The following BCAT1 variants were observed in gnomAD, a reference collection of about 807,000 sequenced individuals.
The protein encoded by BCAT1 is branched-chain-amino-acid aminotransferase, cytosolic.
A neutral mutation model predicts 52.4 loss-of-function variants in BCAT1; 48 were observed. The ratio of observed to expected loss-of-function variants is 0.92; its 90% CI spans 0.73 to 1.16. The LOEUF is 1.16. Ranked by LOEUF, BCAT1 falls within the 50% of genes most tolerant of loss-of-function variation. The probability of loss-of-function intolerance (pLI) is 0.00; values close to 1 mark genes in which losing one functional copy is unlikely to be tolerated. For missense variants in BCAT1, 451 were observed against 457.1 expected (o/e 0.99, Z 0.12); for synonymous variants, 167 against 161.3 (o/e 1.04, Z -0.27).
Position 24,850,002 on chromosome 12 carries a change from CT to C in BCAT1, c.511-54del, listed in dbSNP as rs562252358. On this transcript the variant is annotated intron_variant, in intron 5 of 10. Transcript: ENST00000261192. ...TGTAACTTAAAATGTGGACACCAGT[CT>C]TAAAGTCTAGAATAGATTTATATCT... The C allele has an allele frequency of 6.3e-5, 92 of 1,470,534 alleles. 1 individual carries two copies. The South Asian group carries it at 1.2e-3, about 20-fold the overall frequency. 91.1% of individuals were successfully genotyped at this position (1,470,534 alleles called of 1,614,324 possible). A position where few individuals can be genotyped will look rare whatever the true frequency, so the allele number is the denominator to read the frequency against.
chr12:24,925,761 C>T (rs1477180924), intron 1 of BCAT1, among the ~76,000 whole-genome samples: 1 of 151,896 alleles, frequency 6.6e-6, no homozygotes, highest in Non-Finnish European at 1.5e-5. Flanking sequence ...GACTGGTTTT[C>T]GTATTTTTTT....
chr12:24,836,824 AGGAAGGAAGGAAGGAGAGAG>A, intron 7 of BCAT1, among the ~76,000 whole-genome samples: 1 of 52,590 alleles, frequency 1.9e-5, no homozygotes, highest in Non-Finnish European at 5.5e-5. Flanking sequence ...GAAGGAAAGA[AGGAAGGAAGGAAGGAGAGAG>A]AGAGAAAGAA....
At chr12:24,908,748 AT>A (rs1943266420) in intron 1 of BCAT1, among the ~76,000 whole-genome samples, 1 of 152,342 alleles carries the variant, frequency 6.6e-6, no homozygotes. Flanking sequence ...CTTAAAAAAA[AT>A]AATAAACATT....
chr12:24,832,947 A>AT (rs1940749086), intron 8 of BCAT1, 84 bp from the exon 9 acceptor site: 1 of 1,348,544 alleles, frequency 7.4e-7, no homozygotes, highest in African/African-American at 1.5e-5. Context: ...TCTGCTTAAC[A>AT]TTCTGATTGC....
intron 1 of BCAT1, among the ~76,000 whole-genome samples, chr12:24,909,936 G>A (rs1943289434): frequency 6.6e-6 from 1 of 152,124 alleles, no homozygotes. Flanking sequence ...AGCCCTGTGA[G>A]TGGCTGTCTT....
At chr12:24,925,826 G>A (rs1591880949) in intron 1 of BCAT1, among the ~76,000 whole-genome samples, 1 of 152,232 alleles carries the variant, frequency 6.6e-6, no homozygotes, top group East Asian at 1.9e-4. Context: ...TCCTAACCGG[G>A]AGTGATCTGC....
intron 1 of BCAT1, chr12:24,902,197 A>G: frequency 4.9e-6 from 7 of 1,432,996 alleles, no homozygotes; most frequent in Non-Finnish European, 5.5e-6. Context: ...CAAAAAAACA[A>G]TTGTCTCCCT....
At chr12:24,885,025 G>T (rs890823359) in intron 3 of BCAT1, among the ~76,000 whole-genome samples, 1 of 152,100 alleles carries the variant, frequency 6.6e-6, no homozygotes, top group Non-Finnish European at 1.5e-5. Flanking sequence ...TATCAAATTG[G>T]GAACATCGCA....
At chr12:24,861,727 G>A (rs1401123652) in intron 5 of BCAT1, among the ~76,000 whole-genome samples, 1 of 152,208 alleles carries the variant, frequency 6.6e-6, no homozygotes, top group African/African-American at 2.4e-5. Flanking sequence ...ATAGGGGATA[G>A]ATAAAATGAG....
At chr12:24,910,267 T>TGCGG (rs1413731208) in intron 1 of BCAT1, among the ~76,000 whole-genome samples, 1 of 151,854 alleles carries the variant, frequency 6.6e-6, no homozygotes, top group Non-Finnish European at 1.5e-5. Flanking sequence ...ATCCCAGCTC[T>TGCGG]ACGGGAGGCT....
intron 1 of BCAT1, chr12:24,904,175 G>C (rs1338715267): frequency 6.6e-6 from 1 of 152,286 alleles, no homozygotes; most frequent in African/African-American, 2.4e-5. Flanking sequence ...GAGTGTCCCT[G>C]GAAGTCCAGG....
rs1017469173 is a variant in BCAT1 at position 24,828,717 on chromosome 12, G to A, written c.1119+1106C>T. On this transcript the variant is annotated intron_variant, in intron 10 of 10. Coordinates refer to ENST00000261192, the MANE Select transcript of BCAT1 (RefSeq NM_005504.7). The stretch of plus-strand genomic sequence containing the variant: ...GTTAGGAAAAAATAACTATCTAAAA[G>A]TATACTGGCTGGGCATGGTGGCTCA... 3.3e-5 allele frequency among the ~76,000 whole-genome samples: 5 copies of A among 152,110 alleles called. No homozygotes were observed. The East Asian group carries it at 7.7e-4, about 23-fold the overall frequency.
intron 1 of BCAT1, among the ~76,000 whole-genome samples, chr12:24,910,262 AGCT>A (rs1346649502): frequency 6.6e-6 from 1 of 152,056 alleles, no homozygotes; most frequent in Non-Finnish European, 1.5e-5. Flanking sequence ...CTGTAATCCC[AGCT>A]CTACGGGAGG....
chr12:24,869,510 C>A (rs1038285888), intron 5 of BCAT1, among the ~76,000 whole-genome samples: 1 of 152,174 alleles, frequency 6.6e-6, no homozygotes, highest in Non-Finnish European at 1.5e-5. Flanking sequence ...GGCCTTGGGA[C>A]AAGGACCCCA....
chr12:24,902,272 C>T, intron 1 of BCAT1: 1 of 1,337,392 alleles, frequency 7.5e-7, no homozygotes, highest in Non-Finnish European at 9.5e-7. Context: ...CCAGGGCGCG[C>T]TCAGCCTCGT....
intron 7 of BCAT1, among the ~76,000 whole-genome samples, chr12:24,836,931 AAAGAAAGAAAG>A: frequency 8.2e-6 from 1 of 121,382 alleles, no homozygotes; most frequent in Non-Finnish European, 1.9e-5. Flanking sequence ...AGAAAGAAAG[AAAGAAAGAAAG>A]AAAGAAAGAA....
intron 1 of BCAT1, among the ~76,000 whole-genome samples, chr12:24,915,423 A>G (rs1444958481): frequency 6.6e-6 from 1 of 152,220 alleles, no homozygotes; most frequent in Non-Finnish European, 1.5e-5. Flanking sequence ...CAATGCTTCT[A>G]TTGAGCACGC....
At position 24,842,955 on chromosome 12, in the gene BCAT1, T is replaced by C. The variant is rs537906509; in HGVS notation, c.675-731A>G. On this transcript the variant is annotated intron_variant, in intron 6 of 10. Transcript: ENST00000261192. ...ACTTATATGGGAAAATTATGGAGTA[T>C]ATTATAAAATAAGGATGAATATTTT... Among the ~76,000 whole-genome samples, 8 of 152,314 alleles carry C rather than the reference T, an allele frequency of 5.3e-5. No individual in the cohort carries two copies. The South Asian group carries it at 1.2e-3, about 24-fold the overall frequency.
chr12:24,896,293 T>C (rs1285010366), intron 2 of BCAT1, among the ~76,000 whole-genome samples: 1 of 152,232 alleles, frequency 6.6e-6, no homozygotes, highest in Non-Finnish European at 1.5e-5. Context: ...TCCTCTGGAC[T>C]AGGTAGGGGG....
Sources: gnomAD v4.1 joint callset for allele counts (sites outside exome capture counted in the v4.1 genomes callset) on GRCh38, gnomAD v4.1.1 for gene constraint, MANE v1.5 for transcripts, NCBI Gene and HGNC (gene_info 2026-07-23, HGNC 2026-07-21) for gene names.